Variants in APTX observed in about 807,000 individuals in gnomAD.
The protein encoded by APTX is aprataxin, also known as forkhead-associated domain histidine triad-like protein.
Under a neutral mutation model 42.3 loss-of-function variants are expected in APTX, and 33 were observed. The observed-to-expected ratio is 0.78, with a 90% CI of 0.59 to 1.04. APTX has a LOEUF of 1.04. APTX is among the 50% of genes least tolerant of loss of function. APTX has a pLI of 0.00. For missense variants in APTX, 421 were observed against 415.1 expected (o/e 1.01, Z -0.12); for synonymous variants, 130 against 146.7 (o/e 0.89, Z 0.82).
At chr9:32,978,936 C>T (rs1222177740) in intron 6 of APTX, among the ~76,000 whole-genome samples, 1 of 152,148 alleles carries the variant, frequency 6.6e-6, no homozygotes, top group Non-Finnish European at 1.5e-5. Flanking sequence ...GGCTTCTGTC[C>T]CATCACACTA....
chr9:33,010,013 G>A (rs991474053), intron 1 of APTX, among the ~76,000 whole-genome samples: 1 of 151,868 alleles, frequency 6.6e-6, no homozygotes, highest in Non-Finnish European at 1.5e-5. Context: ...TCAATTTCTT[G>A]AACCCATTCA....
At chr9:33,013,197 G>C (rs1837659562) in intron 1 of APTX, among the ~76,000 whole-genome samples, 1 of 152,132 alleles carries the variant, frequency 6.6e-6, no homozygotes, top group African/African-American at 2.4e-5. Flanking sequence ...ATACTCTTCT[G>C]CACACCTTGT....
chr9:33,004,091 T>A (rs996192261), upstream of APTX, among the ~76,000 whole-genome samples: 13 of 152,230 alleles, frequency 8.5e-5, no homozygotes, highest in Non-Finnish European at 1.6e-4. Flanking sequence ...TACTCAGCCA[T>A]AAAGAAGAAT....
chr9:33,023,713 G>A (rs527541943), intron 1 of APTX, among the ~76,000 whole-genome samples: 1 of 152,342 alleles, frequency 6.6e-6, no homozygotes, highest in South Asian at 2.1e-4. Context: ...GGCGTATATG[G>A]GAAACTGCGG....
At chr9:33,024,057 C>G (rs899689347) in intron 1 of APTX, among the ~76,000 whole-genome samples, 5 of 152,248 alleles carry the variant, frequency 3.3e-5, no homozygotes, top group African/African-American at 1.2e-4. Context: ...TCTGATCTAT[C>G]AGGTTAATAT....
intron 1 of APTX, among the ~76,000 whole-genome samples, chr9:33,016,497 A>G (rs1175192059): frequency 2.0e-5 from 3 of 152,206 alleles, no homozygotes; most frequent in Non-Finnish European, 4.4e-5. Context: ...CATTACAACC[A>G]TCTTCCTTTA....
chr9:32,977,503 C>CA (rs1339143610), intron 6 of APTX, among the ~76,000 whole-genome samples: 1 of 150,830 alleles, frequency 6.6e-6, no homozygotes, highest in Non-Finnish European at 1.5e-5. Context: ...AAAACGAAAA[C>CA]AAAAAATGAA....
chr9:33,003,811 T>G (rs1177670497), upstream of APTX, among the ~76,000 whole-genome samples: 1 of 151,672 alleles, frequency 6.6e-6, no homozygotes. Context: ...TCCTCAAGTT[T>G]CATCCACATT....
chr9:33,024,708 A>G (rs1172328342), intron 1 of APTX: 1 of 152,090 alleles, frequency 6.6e-6, no homozygotes, highest in African/African-American at 2.4e-5. Flanking sequence ...AAAAGCCTTA[A>G]CAACTTCACA....
At chr9:33,007,019 A>AAAAAAAAAAAAG (rs1837203750) in intron 1 of APTX, among the ~76,000 whole-genome samples, 1 of 145,132 alleles carries the variant, frequency 6.9e-6, no homozygotes, top group Admixed American at 7.0e-5. Flanking sequence ...AAAAAAAAAA[A>AAAAAAAAAAAAG]AAAAGAAAGA....
At chr9:33,023,996 C>A (rs1838626306) in intron 1 of APTX, among the ~76,000 whole-genome samples, 2 of 152,236 alleles carry the variant, frequency 1.3e-5, no homozygotes. Context: ...CCACTGCTCT[C>A]CTCCCATTTT....
chr9:32,985,687 A>G (rs1264839610), intron 5 of APTX, among the ~76,000 whole-genome samples: 3 of 152,122 alleles, frequency 2.0e-5, no homozygotes, highest in Non-Finnish European at 4.4e-5. Context: ...CTCCCCTGAA[A>G]GGAACCATAC....
At chr9:32,986,093 C>G in intron 4 of APTX, 63 bp from the exon 5 acceptor site, 2 of 1,461,950 alleles carry the variant, frequency 1.4e-6, no homozygotes, top group Non-Finnish European at 1.9e-6. Flanking sequence ...ATTACAAATG[C>G]CAATAATTAA....
chr9:32,996,979 T>G (rs992790362), intron 1 of APTX, among the ~76,000 whole-genome samples: 1 of 152,204 alleles, frequency 6.6e-6, no homozygotes. Flanking sequence ...ACAACTCCAT[T>G]CTGAGAAGAG....
chr9:33,006,849 A>C (rs568578699), intron 1 of APTX, among the ~76,000 whole-genome samples: 2 of 151,952 alleles, frequency 1.3e-5, no homozygotes, highest in Non-Finnish European at 2.9e-5. Context: ...AAATACAAAA[A>C]ATTAGCCGGG....
rs111420478 is a variant in APTX, at chr9:32,979,331, G to A, written c.771-4770C>T. 4.0e-3 allele frequency among the ~76,000 whole-genome samples: 607 copies of A among 152,226 alleles called. 4 individuals are homozygous for A. Among genetic ancestry groups the A allele is most frequent in the African/African-American group, 0.012 (494 of 41,524 alleles). ...CCTGTGTTAGTTCACTTAGGATAACGGCCTACAGCTCCATCCATGTTGCTG... is the reference window on the plus strand; with the variant it reads ...CCTGTGTTAGTTCACTTAGGATAACAGCCTACAGCTCCATCCATGTTGCTG... On this transcript the variant is annotated intron_variant, in intron 6 of 7. Coordinates refer to ENST00000379817, the MANE Select transcript of APTX (RefSeq NM_001195248.2).
intron 1 of APTX, among the ~76,000 whole-genome samples, chr9:33,014,309 A>G (rs950350560): frequency 6.6e-6 from 1 of 152,020 alleles, no homozygotes; most frequent in Non-Finnish European, 1.5e-5. Flanking sequence ...ATGAACAAAC[A>G]CCCCTGGCCT....
upstream of APTX, among the ~76,000 whole-genome samples, chr9:33,003,752 C>CA (rs1836919700): frequency 6.6e-6 from 1 of 152,184 alleles, no homozygotes; most frequent in Non-Finnish European, 1.5e-5. Flanking sequence ...TAAGTAAAAT[C>CA]AGACAGTATT....
At chr9:33,017,024 A>C (rs1304774543) in intron 1 of APTX, among the ~76,000 whole-genome samples, 1 of 152,204 alleles carries the variant, frequency 6.6e-6, no homozygotes, top group African/African-American at 2.4e-5. Context: ...CCTACAAATA[A>C]AACTGTTCCT....
Sources: allele counts gnomAD v4.1 joint callset (sites outside exome capture counted in the v4.1 genomes callset), GRCh38; gene constraint gnomAD v4.1.1; transcripts MANE v1.5; gene names NCBI Gene and HGNC (gene_info 2026-07-23, HGNC 2026-07-21).